Variants in MRTFA observed in about 807,000 individuals in gnomAD.
MRTFA encodes the protein myocardin-related transcription factor A.
In MRTFA, 20 loss-of-function variants were observed where a neutral mutation model predicts 83.5. The observed-to-expected ratio is 0.24, with a 90% CI of 0.17 to 0.35. MRTFA has a LOEUF of 0.35. Among genes scored for constraint, MRTFA ranks in the 10% least tolerant of loss-of-function variants. The pLI is 1.00. For synonymous variants in MRTFA, 659 were observed against 541.2 expected (o/e 1.22, Z -3.02); for missense variants, 1,200 against 1,224.7 (o/e 0.98, Z 0.30).
chr22:40,527,153 C>T lies in MRTFA; in HGVS notation c.241+24953G>A, dbSNP rs2054990245. ...AGATACACACACACACACACACACA[C>T]ACACAAATACTTTTAAATTATGACA... On this transcript the variant is annotated intron_variant, in intron 3 of 14. Transcript: ENST00000355630. 2.0e-5 allele frequency among the ~76,000 whole-genome samples: 3 copies of T among 150,896 alleles called. No individual in the cohort carries two copies. The Admixed American group carries it at 2.1e-4, about 10-fold the overall frequency.
At chr22:40,443,704 G>A (rs1156458648) in intron 4 of MRTFA, among the ~76,000 whole-genome samples, 1 of 152,178 alleles carries the variant, frequency 6.6e-6, no homozygotes, top group African/African-American at 2.4e-5. Flanking sequence ...TAAAGGCCAA[G>A]TTAGGAATCT....
At chr22:40,493,335 A>T in intron 3 of MRTFA, among the ~76,000 whole-genome samples, 1 of 152,228 alleles carries the variant, frequency 6.6e-6, no homozygotes, top group East Asian at 1.9e-4. Context: ...CATGCAGTAT[A>T]GAGACACAAA....
intron 3 of MRTFA, among the ~76,000 whole-genome samples, chr22:40,532,713 AAC>A (rs1299180269): frequency 1.3e-5 from 2 of 152,332 alleles, no homozygotes; most frequent in African/African-American, 4.8e-5. Context: ...CCCCAAGGAA[AAC>A]AGTGAGACCA....
chr22:40,582,598 A>G (rs2055964244), intron 2 of MRTFA, among the ~76,000 whole-genome samples: 2 of 152,068 alleles, frequency 1.3e-5, no homozygotes, highest in African/African-American at 4.8e-5. Flanking sequence ...CATAGTCTAA[A>G]AAAAAACTTC....
At chr22:40,522,217 C>G (rs1322826036) in intron 3 of MRTFA, 2 of 152,104 alleles carry the variant, frequency 1.3e-5, no homozygotes, top group Non-Finnish European at 2.9e-5. Flanking sequence ...TTTATTTAAA[C>G]CAGAGTTAGA....
chr22:40,486,797 C>A (rs1389615079), intron 3 of MRTFA, among the ~76,000 whole-genome samples: 1 of 152,076 alleles, frequency 6.6e-6, no homozygotes, highest in South Asian at 2.1e-4. Context: ...CTGGGCAACA[C>A]GGCAAAACCC....
chr22:40,601,735 T>C (rs1004897085), intron 1 of MRTFA, among the ~76,000 whole-genome samples: 1 of 152,178 alleles, frequency 6.6e-6, no homozygotes, highest in African/African-American at 2.4e-5. Context: ...CACTGAGCCA[T>C]GGATGTGCCA....
At chr22:40,492,663 G>A (rs1319174400) in intron 3 of MRTFA, among the ~76,000 whole-genome samples, 4 of 152,104 alleles carry the variant, frequency 2.6e-5, no homozygotes, top group East Asian at 1.9e-4. Context: ...ATGGAACAAG[G>A]AGCTATAACA....
chr22:40,564,624 T>C (rs1010584854), intron 2 of MRTFA, among the ~76,000 whole-genome samples: 25 of 152,152 alleles, frequency 1.6e-4, no homozygotes, highest in African/African-American at 6.0e-4. Context: ...AGAAGCTCAA[T>C]AATGCTGTAA....
At chr22:40,437,858 C>T (rs2053201623) in intron 4 of MRTFA, among the ~76,000 whole-genome samples, 1 of 152,038 alleles carries the variant, frequency 6.6e-6, no homozygotes, top group Non-Finnish European at 1.5e-5. Flanking sequence ...CAGAGCACAG[C>T]AAGGGTTTTG....
chr22:40,479,913 G>T (rs2054058703), intron 3 of MRTFA, among the ~76,000 whole-genome samples: 3 of 152,230 alleles, frequency 2.0e-5, no homozygotes, highest in Middle Eastern at 6.8e-3. Flanking sequence ...AGGTTCCTGG[G>T]CTGGTAAACC....
intron 3 of MRTFA, chr22:40,522,995 GCCC>G (rs1429781660): frequency 6.6e-6 from 1 of 152,038 alleles, no homozygotes; most frequent in African/African-American, 2.4e-5. Context: ...AACATTCTTA[GCCC>G]CCCGTCTGTT....
intron 3 of MRTFA, among the ~76,000 whole-genome samples, chr22:40,474,086 A>AT (rs2053955348): frequency 6.6e-6 from 1 of 152,218 alleles, no homozygotes; most frequent in Non-Finnish European, 1.5e-5. Flanking sequence ...CACAAAAGTA[A>AT]TTGAGGCTTT....
At chr22:40,488,789 C>T (rs1215114586) in intron 3 of MRTFA, among the ~76,000 whole-genome samples, 3 of 152,056 alleles carry the variant, frequency 2.0e-5, no homozygotes, top group African/African-American at 7.2e-5. Flanking sequence ...GCCAAGATGG[C>T]GCCACTGCAC....
At chr22:40,598,156 A>T (rs2056214625) in intron 1 of MRTFA, among the ~76,000 whole-genome samples, 1 of 152,150 alleles carries the variant, frequency 6.6e-6, no homozygotes, top group Non-Finnish European at 1.5e-5. Context: ...ATTTTAGCTC[A>T]AAGTTGTCAG....
chr22:40,416,625 C>G lies in MRTFA; in HGVS notation c.2578+361G>C, dbSNP rs2052685383. Among the ~76,000 whole-genome samples, 1 of 152,240 alleles carries G rather than the reference C, an allele frequency of 6.6e-6. No individual in the cohort carries two copies. Among genetic ancestry groups the G allele is most frequent in the Non-Finnish European group, 1.5e-5 (1 of 68,040 alleles). On this transcript the variant is annotated intron_variant, in intron 14 of 14. Coordinates refer to ENST00000355630, the MANE Select transcript of MRTFA (RefSeq NM_020831.6). The surrounding 1 kb of genome is among the most constrained non-coding windows in gnomAD (Gnocchi z 4.2). ...CTTCCCCACCAGGCTCCCCAGACCT[C>G]TCCCTCTCCTCCATTTTTGTCCTAA...
rs550980764 is a variant in MRTFA at position 40,422,720 on chromosome 22, G to A, written c.927+816C>T. ...ACAGAGCCAGGGAGTGCCACAAGAA[G>A]GGCGGGCAGCTCCCAGAGCTAGTGG... is the stretch of plus-strand genomic sequence containing the variant. On this transcript the variant is annotated intron_variant, in intron 9 of 14. Transcript: ENST00000355630. Among the ~76,000 whole-genome samples, 22 of 152,358 alleles carry A rather than the reference G, an allele frequency of 1.4e-4. 1 individual carries two copies. Among genetic ancestry groups the A allele is most frequent in the African/African-American group, 4.6e-4 (19 of 41,576 alleles).
intron 3 of MRTFA, among the ~76,000 whole-genome samples, chr22:40,531,290 T>G (rs1309574767): frequency 6.7e-6 from 1 of 149,900 alleles, no homozygotes; most frequent in Non-Finnish European, 1.5e-5. Context: ...TTTTTTAATT[T>G]TTTGTAGAGA....
chr22:40,495,202 C>T (rs912332218), intron 3 of MRTFA, among the ~76,000 whole-genome samples: 4 of 149,640 alleles, frequency 2.7e-5, no homozygotes, highest in African/African-American at 4.9e-5. Flanking sequence ...AGTGAGACCC[C>T]GTCTCTACTA....
Sources: allele counts gnomAD v4.1 joint callset (sites outside exome capture counted in the v4.1 genomes callset), GRCh38; gene constraint gnomAD v4.1.1; non-coding constraint Gnocchi (gnomAD v3.1); transcripts MANE v1.5; gene names NCBI Gene and HGNC (gene_info 2026-07-23, HGNC 2026-07-21).